Variants in RBPMS observed in about 807,000 individuals in gnomAD.
RBPMS encodes RNA-binding protein with multiple splicing.
RBPMS carries 7 observed loss-of-function variants against 26.8 expected under a neutral mutation model. The ratio of observed to expected loss-of-function variants is 0.26; its 90% CI spans 0.15 to 0.49. RBPMS has a LOEUF of 0.49. RBPMS is among the 20% of genes least tolerant of loss of function. RBPMS has a pLI of 0.98. For synonymous variants in RBPMS, 96 were observed against 93.3 expected (o/e 1.03, Z -0.17); for missense variants, 186 against 250.0 (o/e 0.74, Z 1.73).
chr8:30,549,677 TGA>T, intron 6 of RBPMS: 1 of 912,522 alleles, frequency 1.1e-6, no homozygotes. Context: ...CAGCCTCCTG[TGA>T]GAGTGGGCTG....
At chr8:30,408,538 G>A (rs891191764) in intron 1 of RBPMS, among the ~76,000 whole-genome samples, 7 of 151,856 alleles carry the variant, frequency 4.6e-5, no homozygotes, top group African/African-American at 1.7e-4. Flanking sequence ...AAAACAAAAC[G>A]AACAAAAATC....
chr8:30,435,985 T>G (rs1377053635), intron 1 of RBPMS, among the ~76,000 whole-genome samples: 1 of 152,134 alleles, frequency 6.6e-6, no homozygotes, highest in African/African-American at 2.4e-5. Flanking sequence ...TTAGATTATT[T>G]AAATTAGGAC....
At chr8:30,435,311 G>A (rs1812336666) in intron 1 of RBPMS, among the ~76,000 whole-genome samples, 1 of 152,150 alleles carries the variant, frequency 6.6e-6, no homozygotes, top group African/African-American at 2.4e-5. Context: ...ATCTCATTAT[G>A]TATATGCAAA....
intron 1 of RBPMS, among the ~76,000 whole-genome samples, chr8:30,437,871 A>G (rs983971530): frequency 2.6e-5 from 4 of 151,944 alleles, no homozygotes; most frequent in African/African-American, 9.7e-5. Flanking sequence ...AGACAGGAGA[A>G]TCACTTGAAC....
intron 1 of RBPMS, among the ~76,000 whole-genome samples, chr8:30,454,601 C>T (rs1325414727): frequency 6.6e-6 from 1 of 152,142 alleles, no homozygotes; most frequent in South Asian, 2.1e-4. Context: ...CCTCTTTGAA[C>T]GTAGCAGAAG....
chr8:30,473,619 A>G (rs1029563114), intron 1 of RBPMS, among the ~76,000 whole-genome samples: 4 of 152,208 alleles, frequency 2.6e-5, no homozygotes, highest in African/African-American at 7.2e-5. Context: ...AATATACGTC[A>G]TTCTGTTAGG....
intron 8 of RBPMS, 33 bp downstream of exon 8, chr8:30,566,393 G>T: frequency 1.3e-6 from 1 of 763,634 alleles, no homozygotes; most frequent in Non-Finnish European, 1.6e-6. Flanking sequence ...CAAGCCCTCA[G>T]GGGCGGCATG....
chr8:30,412,805 T>C (rs1319584470), intron 1 of RBPMS, among the ~76,000 whole-genome samples: 1 of 152,220 alleles, frequency 6.6e-6, no homozygotes, highest in African/African-American at 2.4e-5. Flanking sequence ...GTTTGTTAAC[T>C]TCTCATGAAA....
chr8:30,505,668 G>A (rs1821002227), intron 5 of RBPMS, among the ~76,000 whole-genome samples: 1 of 152,166 alleles, frequency 6.6e-6, no homozygotes, highest in African/African-American at 2.4e-5. Context: ...TGTAGTACAG[G>A]AGGATATAGG....
intron 5 of RBPMS, among the ~76,000 whole-genome samples, chr8:30,508,071 G>A (rs1821237816): frequency 6.6e-6 from 1 of 152,222 alleles, no homozygotes; most frequent in South Asian, 2.1e-4. Context: ...TTAAAGAGAT[G>A]ATTAAGTTCA....
intron 2 of RBPMS, among the ~76,000 whole-genome samples, chr8:30,477,262 G>C (rs1459664296): frequency 6.6e-6 from 1 of 152,052 alleles, no homozygotes; most frequent in Non-Finnish European, 1.5e-5. Flanking sequence ...ACCACTTGTC[G>C]ATGGTCTCGA....
intron 5 of RBPMS, among the ~76,000 whole-genome samples, chr8:30,536,624 G>GT (rs1266918645): frequency 2.0e-5 from 3 of 151,982 alleles, no homozygotes; most frequent in African/African-American, 7.3e-5. Context: ...CACTGTTTTT[G>GT]TTTGTTTATA....
At chr8:30,435,493 G>A (rs560891889) in intron 1 of RBPMS, among the ~76,000 whole-genome samples, 13 of 152,284 alleles carry the variant, frequency 8.5e-5, no homozygotes, top group African/African-American at 3.1e-4. Context: ...ACAGATTGTT[G>A]TAATCTCATG....
chr8:30,410,031 A>G (rs1285400490), intron 1 of RBPMS, among the ~76,000 whole-genome samples: 10 of 152,134 alleles, frequency 6.6e-5, no homozygotes, highest in African/African-American at 4.8e-5. Context: ...AATACCTACT[A>G]TGTGCCTGGC....
At chr8:30,471,481 A>G (rs1254890430) in intron 1 of RBPMS, among the ~76,000 whole-genome samples, 2 of 152,210 alleles carry the variant, frequency 1.3e-5, no homozygotes, top group African/African-American at 4.8e-5. Context: ...AAGATGCACC[A>G]CTAGATAAAT....
At chr8:30,465,459 T>A (rs971554169) in intron 1 of RBPMS, among the ~76,000 whole-genome samples, 3 of 152,178 alleles carry the variant, frequency 2.0e-5, no homozygotes, top group African/African-American at 7.2e-5. Context: ...ATGGCAGACA[T>A]GAGGAATGGC....
chr8:30,532,795 C>T (rs926642035), intron 5 of RBPMS, among the ~76,000 whole-genome samples: 3 of 152,224 alleles, frequency 2.0e-5, no homozygotes, highest in Non-Finnish European at 2.9e-5. Context: ...CATACCACAT[C>T]TTCCTAATAA....
At chr8:30,416,540 T>C (rs1810096272) in intron 1 of RBPMS, among the ~76,000 whole-genome samples, 1 of 152,144 alleles carries the variant, frequency 6.6e-6, no homozygotes, top group Non-Finnish European at 1.5e-5. Context: ...TGGAGTGCAG[T>C]GGTACGACCT....
chr8:30,455,632 G>A (rs2150759873), intron 1 of RBPMS, among the ~76,000 whole-genome samples: 1 of 152,300 alleles, frequency 6.6e-6, no homozygotes, highest in African/African-American at 2.4e-5. Context: ...GCTCACGCCT[G>A]TAATCCCAGC....
Sources: allele counts gnomAD v4.1 joint callset (sites outside exome capture counted in the v4.1 genomes callset), GRCh38; gene constraint gnomAD v4.1.1; transcripts MANE v1.5; gene names NCBI Gene and HGNC (gene_info 2026-07-23, HGNC 2026-07-21).